PHC2: variants seen among roughly 807,000 people sequenced by gnomAD.
PHC2 encodes polyhomeotic-like protein 2.
Under a neutral mutation model 87.4 loss-of-function variants are expected in PHC2, and 29 were observed. The ratio of observed to expected loss-of-function variants is 0.33; its 90% CI spans 0.25 to 0.45. The LOEUF (loss-of-function observed/expected upper bound fraction) is 0.45, where lower values mean the gene tolerates loss of function less well. Among genes scored for constraint, PHC2 ranks in the 20% least tolerant of loss-of-function variants. The pLI is 1.00. For missense variants in PHC2, 857 were observed against 1,136.7 expected (o/e 0.75, Z 3.54); for synonymous variants, 438 against 461.7 (o/e 0.95, Z 0.66).
intron 9 of PHC2, among the ~76,000 whole-genome samples, chr1:33,335,012 C>T (rs1448929107): frequency 6.6e-6 from 1 of 152,192 alleles, no homozygotes; most frequent in Admixed American, 6.5e-5. Flanking sequence ...AGTCCTCATG[C>T]CCAGATGTCA....
chr1:33,328,590 G>C (rs1646422965), intron 14 of PHC2, among the ~76,000 whole-genome samples: 1 of 152,100 alleles, frequency 6.6e-6, no homozygotes, highest in African/African-American at 2.4e-5. Context: ...TCCCAGGAGA[G>C]AGAGACAGTT....
chr1:33,344,190 A>G (rs1367745643), intron 9 of PHC2, among the ~76,000 whole-genome samples: 1 of 152,274 alleles, frequency 6.6e-6, no homozygotes, highest in Non-Finnish European at 1.5e-5. Flanking sequence ...ACCCAGTTTA[A>G]GATAAACTCA....
In PHC2 at chr1:33,349,065, T is replaced by G; in HGVS notation, c.1558+5336A>C. On this transcript the variant is annotated intron_variant, in intron 9 of 14. Coordinates refer to ENST00000683057, the MANE Select transcript of PHC2 (RefSeq NM_001385109.1). This position sits in a 1 kb window ranked among gnomAD's most constrained non-coding sequence, Gnocchi z 4.2. ...AAATATAGTCTACCTTCATTTGGCA[T>G]AGGAAGGAGAGAAAACGCTCTTCTA... 1 of 984,060 alleles carries G rather than the reference T, an allele frequency of 1.0e-6. No homozygotes were observed. Among genetic ancestry groups the G allele is most frequent in the East Asian group, 1.1e-4 (1 of 8,810 alleles). 61.0% of individuals were successfully genotyped at this position (984,060 alleles called of 1,614,324 possible).
chr1:33,405,900 T>C (rs1470218858), intron 1 of PHC2, among the ~76,000 whole-genome samples: 1 of 152,270 alleles, frequency 6.6e-6, no homozygotes, highest in Non-Finnish European at 1.5e-5. Context: ...ACTAGCTCTG[T>C]GATCCAGTAT....
At chr1:33,407,437 C>T (rs1228887579) in intron 1 of PHC2, among the ~76,000 whole-genome samples, 1 of 152,202 alleles carries the variant, frequency 6.6e-6, no homozygotes, top group Non-Finnish European at 1.5e-5. Context: ...CCAGAAACCA[C>T]TACTAGTATG....
intron 10 of PHC2, chr1:33,333,234 T>C (rs1182339586): frequency 6.6e-6 from 1 of 152,258 alleles, no homozygotes; most frequent in African/African-American, 2.4e-5. Flanking sequence ...TATGTGTCTT[T>C]TGGCATTTTA....
At chr1:33,377,683 C>A (rs923891143) in intron 1 of PHC2, among the ~76,000 whole-genome samples, 6 of 151,670 alleles carry the variant, frequency 4.0e-5, no homozygotes, top group African/African-American at 1.5e-4. Flanking sequence ...GTAGAGTATA[C>A]CCATTTAATA....
chr1:33,401,461 G>A (rs187939990), intron 1 of PHC2, among the ~76,000 whole-genome samples: 14 of 152,288 alleles, frequency 9.2e-5, no homozygotes, highest in African/African-American at 3.4e-4. Flanking sequence ...AAGAAAGTTT[G>A]GCATTAGCAC....
At position 33,330,166 on chromosome 1, in the gene PHC2, G is replaced by A; in HGVS notation, c.2053C>T (p.Arg685Trp). 3.7e-6 allele frequency: 6 copies of A among 1,614,152 alleles called. No homozygotes were observed. Among genetic ancestry groups the A allele is most frequent in the East Asian group, 2.2e-5 (1 of 44,880 alleles). Residue 685 changes from arginine (R) to tryptophan (W), a missense_variant, in exon 13 of 15, where the codon CGG (arginine) becomes TGG (tryptophan). Coordinates refer to ENST00000683057, the MANE Select transcript of PHC2 (RefSeq NM_001385109.1). The part of the protein sequence containing the change: ...TKRVGLFHSD[R>W]SKLQKAGAAT... ...GCTCCTGCCTTCTGCAGCTTGCTCC[G>A]GTCTGAGTGGAAAAGTCCCACCCGT...
chr1:33,415,622 C>T (rs1340007748), intron 1 of PHC2, among the ~76,000 whole-genome samples: 1 of 152,010 alleles, frequency 6.6e-6, no homozygotes, highest in Non-Finnish European at 1.5e-5. Flanking sequence ...TAAAAAATTA[C>T]CAGGCATGCA....
intron 1 of PHC2, among the ~76,000 whole-genome samples, chr1:33,385,073 G>A (rs1308208666): frequency 1.3e-5 from 2 of 152,164 alleles, no homozygotes; most frequent in African/African-American, 4.8e-5. Flanking sequence ...CCTAGGACAT[G>A]TAAATTTTGA....
At chr1:33,355,670 C>G (rs1177424566) in intron 7 of PHC2, among the ~76,000 whole-genome samples, 1 of 152,220 alleles carries the variant, frequency 6.6e-6, no homozygotes, top group East Asian at 1.9e-4. Context: ...ACCACCCAAC[C>G]CAGCTCTGTG....
At chr1:33,338,065 T>C (rs1263832553) in intron 9 of PHC2, among the ~76,000 whole-genome samples, 1 of 152,208 alleles carries the variant, frequency 6.6e-6, no homozygotes, top group Non-Finnish European at 1.5e-5. Context: ...TGACCTTGTC[T>C]TTTGTGGGAT....
intron 13 of PHC2, among the ~76,000 whole-genome samples, chr1:33,329,678 GCT>G (rs1330044487): frequency 6.6e-6 from 1 of 152,100 alleles, no homozygotes; most frequent in Non-Finnish European, 1.5e-5. Flanking sequence ...AGAACTCTGT[GCT>G]CGCGTGTTCA....
intron 9 of PHC2, chr1:33,346,462 AG>A (rs1361435006): frequency 1.0e-6 from 1 of 984,960 alleles, no homozygotes; most frequent in Admixed American, 6.1e-5. Flanking sequence ...CGTCTCCAGT[AG>A]GTGTCCTTTC....
At chr1:33,358,365 A>C (rs760109672) in intron 7 of PHC2, among the ~76,000 whole-genome samples, 1 of 152,132 alleles carries the variant, frequency 6.6e-6, no homozygotes, top group African/African-American at 2.4e-5. Flanking sequence ...GCTACTATAC[A>C]CCAAGGCTGG....
At chr1:33,365,092 C>T (rs1388163122) in intron 7 of PHC2, among the ~76,000 whole-genome samples, 2 of 152,218 alleles carry the variant, frequency 1.3e-5, no homozygotes, top group African/African-American at 2.4e-5. Flanking sequence ...CTATGGCCCC[C>T]AGTCCTGCCA....
rs190073395 is a variant in PHC2 at position 33,411,707 on chromosome 1, C to T, written c.-55+19269G>A. On this transcript the variant is annotated intron_variant, in intron 1 of 14. Coordinates refer to ENST00000683057, the MANE Select transcript of PHC2 (RefSeq NM_001385109.1). ...TCCCGAGTAGCTGGGACTAGAGGTGCGCGCCACCACGCCCAGCTAATTTTT... is the reference window on the plus strand; with the variant it reads ...TCCCGAGTAGCTGGGACTAGAGGTGTGCGCCACCACGCCCAGCTAATTTTT... 2.2e-3 allele frequency among the ~76,000 whole-genome samples: 336 copies of T among 151,992 alleles called. 3 individuals carry two copies. The highest frequency in any genetic ancestry group is 3.8e-3 in the Non-Finnish European group (257 of 67,988).
intron 1 of PHC2, among the ~76,000 whole-genome samples, chr1:33,381,866 A>C (rs1648509434): frequency 6.6e-6 from 1 of 152,108 alleles, no homozygotes; most frequent in South Asian, 2.1e-4. Context: ...AGAAATCAAA[A>C]ATTACCATAA....
Sources: gnomAD v4.1 joint callset for allele counts (sites outside exome capture counted in the v4.1 genomes callset) on GRCh38, gnomAD v4.1.1 for gene constraint, Gnocchi (gnomAD v3.1) non-coding constraint, MANE v1.5 for transcripts, NCBI Gene and HGNC (gene_info 2026-07-23, HGNC 2026-07-21) for gene names.